AGBL1: variants seen among roughly 807,000 people sequenced by gnomAD.
AGBL1 encodes cytosolic carboxypeptidase 4.
In AGBL1, 130 loss-of-function variants were observed where a neutral mutation model predicts 118.9. The observed-to-expected ratio is 1.09, with a 90% CI of 0.95 to 1.26. The LOEUF is 1.26. Among genes scored for constraint, AGBL1 ranks in the 50% most tolerant of loss-of-function variants. The pLI is 0.00. For synonymous variants in AGBL1, 555 were observed against 478.9 expected (o/e 1.16, Z -2.08); for missense variants, 1,584 against 1,298.1 (o/e 1.22, Z -3.38).
chr15:86,555,388 A>G (rs944561828), intron 21 of AGBL1, among the ~76,000 whole-genome samples: 1 of 152,170 alleles, frequency 6.6e-6, no homozygotes, highest in African/African-American at 2.4e-5. Context: ...CTTGGCATCT[A>G]TGCAATCCTG....
chr15:86,750,776 C>T (rs1207002570), intron 22 of AGBL1, among the ~76,000 whole-genome samples: 4 of 152,012 alleles, frequency 2.6e-5, no homozygotes, highest in Non-Finnish European at 5.9e-5. Flanking sequence ...TTTTTCTCGT[C>T]CTTTGCCTCT....
rs1455844928 is a variant in AGBL1, at chr15:86,912,030, T to C, written c.*4736T>C. On this transcript the variant is annotated 3_prime_UTR_variant, in exon 23 of 23. Coordinates refer to ENST00000614907, the MANE Select transcript of AGBL1 (RefSeq NM_001386094.1). ...AACACATTGCAGGTGTTCAAAAATGTGTCTTCCCCTCAGCTTCAAACTCAG... is the reference window on the plus strand; with the variant it reads ...AACACATTGCAGGTGTTCAAAAATGCGTCTTCCCCTCAGCTTCAAACTCAG... 2 of 152,208 alleles carry C rather than the reference T, an allele frequency of 1.3e-5. No homozygotes were observed. Among genetic ancestry groups the C allele is most frequent in the Non-Finnish European group, 2.9e-5 (2 of 68,044 alleles). The allele number at this position is 152,208 out of a possible 1,614,324, so 9.4% of individuals were successfully genotyped here. A position where few individuals can be genotyped will look rare whatever the true frequency, so the allele number is the denominator to read the frequency against.
Position 86,264,373 on chromosome 15 carries a change from G to T in AGBL1, c.1202G>T (p.Ser401Ile), listed in dbSNP as rs747459291. 3.7e-6 allele frequency: 6 copies of T among 1,613,626 alleles called. No homozygotes were observed. Among genetic ancestry groups the T allele is most frequent in the Non-Finnish European group, 5.1e-6 (6 of 1,179,784 alleles). Residue 401 changes from serine (S) to isoleucine (I), a missense_variant, in exon 11 of 23, where the codon AGC becomes ATC. By Grantham distance (142) the Ser-to-Ile change is moderately radical (BLOSUM62 -2). Coordinates refer to ENST00000614907, the MANE Select transcript of AGBL1 (RefSeq NM_001386094.1). ...SKQHCYSKDQ[S>I]SCGQEREYAV... ...CAGCATTGCTACAGCAAGGACCAAA[G>T]CTCCTGTGGGCAAGAAAGAGAATAT... is the stretch of plus-strand genomic sequence containing the variant.
intron 23 of AGBL1, among the ~76,000 whole-genome samples, chr15:86,976,790 A>G (rs868829906): frequency 3.9e-5 from 6 of 152,044 alleles, no homozygotes; most frequent in Non-Finnish European, 8.8e-5. Flanking sequence ...ATAAACACAG[A>G]TAGATATGCT....
chr15:86,924,739 T>A (rs1225810947), intron 23 of AGBL1, among the ~76,000 whole-genome samples: 1 of 152,014 alleles, frequency 6.6e-6, no homozygotes, highest in East Asian at 1.9e-4. Flanking sequence ...TAAGAATCAT[T>A]ACATTTTGCT....
At chr15:86,363,308 C>G (rs2080834291) in intron 17 of AGBL1, among the ~76,000 whole-genome samples, 1 of 152,152 alleles carries the variant, frequency 6.6e-6, no homozygotes, top group African/African-American at 2.4e-5. Context: ...AGACATACTA[C>G]TCTTTCATCA....
At chr15:86,151,877 C>A (rs573513779) in intron 3 of AGBL1, among the ~76,000 whole-genome samples, 1 of 151,174 alleles carries the variant, frequency 6.6e-6, no homozygotes, top group East Asian at 2.0e-4. Flanking sequence ...TCCTATACAC[C>A]ATTAACAGAG....
chr15:86,756,970 T>C (rs1051771797), intron 22 of AGBL1, among the ~76,000 whole-genome samples: 1 of 150,942 alleles, frequency 6.6e-6, no homozygotes, highest in African/African-American at 2.4e-5. Flanking sequence ...CCCCATCCTC[T>C]ACTCATTCCG....
chr15:86,970,512 T>A (rs2081096355), intron 23 of AGBL1, among the ~76,000 whole-genome samples: 1 of 152,006 alleles, frequency 6.6e-6, no homozygotes, highest in South Asian at 2.1e-4. Context: ...GACGTTGAGC[T>A]ATGTGCTCAA....
chr15:86,433,266 C>CTTTTTTTTTTTTTTTTTTTTTTTTTTT lies in AGBL1; in HGVS notation c.2555+35721_2555+35747dup, dbSNP rs59417397. 8.0e-5 allele frequency among the ~76,000 whole-genome samples: 6 copies of CTTTTTTTTTTTTTTTTTTTTTTTTTTT among 74,892 alleles called. 1 individual carries two copies. Among genetic ancestry groups the CTTTTTTTTTTTTTTTTTTTTTTTTTTT allele is most frequent in the African/African-American group, 2.1e-4 (4 of 19,004 alleles). The allele number at this position is 74,892 out of a possible 152,430, so 49.1% of individuals were successfully genotyped here. A position where few individuals can be genotyped will look rare whatever the true frequency, so the allele number is the denominator to read the frequency against. On this transcript the variant is annotated intron_variant, in intron 18 of 22. Transcript: ENST00000614907. ...TCTCCTCCTCCTCCTCCTCCTTCTT[C>CTTTTTTTTTTTTTTTTTTTTTTTTTTT]TTTTTTTTTTTTTTTTTTTTTTTTT...
intron 22 of AGBL1, among the ~76,000 whole-genome samples, chr15:86,800,602 T>C (rs1239939297): frequency 6.6e-6 from 1 of 152,146 alleles, no homozygotes; most frequent in Non-Finnish European, 1.5e-5. Context: ...CTGGCCCTTA[T>C]GTTTTCAGGA....
chr15:86,879,789 C>T (rs536601977), intron 22 of AGBL1, among the ~76,000 whole-genome samples: 1 of 152,184 alleles, frequency 6.6e-6, no homozygotes, highest in South Asian at 2.1e-4. Context: ...GGGTGTTTGT[C>T]AGAGGTGGCC....
intron 24 of AGBL1, among the ~76,000 whole-genome samples, chr15:87,019,473 T>G (rs1459967822): frequency 6.6e-6 from 1 of 151,942 alleles, no homozygotes; most frequent in Admixed American, 6.6e-5. Flanking sequence ...GAAATTCACT[T>G]AAAACTATAT....
chr15:86,725,528 A>G (rs1001169741), intron 22 of AGBL1, among the ~76,000 whole-genome samples: 6 of 152,234 alleles, frequency 3.9e-5, no homozygotes, highest in East Asian at 1.9e-4. Flanking sequence ...TCTTTTACCA[A>G]TGTAGTATCA....
At chr15:86,709,920 AG>A (rs1327069317) in intron 22 of AGBL1, among the ~76,000 whole-genome samples, 3 of 152,236 alleles carry the variant, frequency 2.0e-5, no homozygotes, top group Admixed American at 6.5e-5. Context: ...ATCATTAAAT[AG>A]AGAGCCTTGT....
chr15:86,706,505 T>C (rs2086452073), intron 22 of AGBL1, among the ~76,000 whole-genome samples: 3 of 151,996 alleles, frequency 2.0e-5, no homozygotes, highest in African/African-American at 7.2e-5. Flanking sequence ...AACCTTGCAC[T>C]CATCTCCTTG....
intron 17 of AGBL1, among the ~76,000 whole-genome samples, chr15:86,367,102 C>T (rs938145822): frequency 6.6e-6 from 1 of 152,136 alleles, no homozygotes; most frequent in Non-Finnish European, 1.5e-5. Context: ...TAGTTAAGAA[C>T]TGTTTAGAAC....
chr15:86,079,979 G>C lies in AGBL1; in HGVS notation c.7G>C (p.Glu3Gln). The C allele has an allele frequency of 8.1e-7, 1 of 1,232,170 alleles. No homozygotes were observed. The highest frequency in any genetic ancestry group is 1.0e-6 in the Non-Finnish European group (1 of 987,990). 76.3% of individuals were successfully genotyped at this position (1,232,170 alleles called of 1,614,324 possible). MA[E>Q]QEASGLQVLL... ...CCTAGGACCCGAGAAAAGGATGGCC[G>C]AACAAGAAGCTAGTGGGCTACAGGT... Residue 3 changes from glutamate (E) to glutamine (Q), a missense_variant, in exon 1 of 23, where the codon GAA becomes CAA. By Grantham distance (29) the Glu-to-Gln change is conservative. Coordinates refer to ENST00000614907, the MANE Select transcript of AGBL1 (RefSeq NM_001386094.1).
chr15:86,380,744 A>G (rs1476543200), intron 17 of AGBL1, among the ~76,000 whole-genome samples: 1 of 152,186 alleles, frequency 6.6e-6, no homozygotes, highest in Non-Finnish European at 1.5e-5. Context: ...AATCTGTTTT[A>G]TTTGGCTCCA....
Sources: allele counts gnomAD v4.1 joint callset (sites outside exome capture counted in the v4.1 genomes callset), GRCh38; gene constraint gnomAD v4.1.1; transcripts MANE v1.5; gene names NCBI Gene and HGNC (gene_info 2026-07-23, HGNC 2026-07-21).